CFAP299: variants seen among roughly 807,000 people sequenced by gnomAD.
The protein encoded by CFAP299 is cilia and flagella associated protein 299.
In CFAP299, 21 loss-of-function variants were observed where a neutral mutation model predicts 27.0. That is an observed-to-expected ratio of 0.78 (90% CI 0.55 to 1.12). The LOEUF is 1.12. Among genes scored for constraint, CFAP299 ranks in the 50% most tolerant of loss-of-function variants. The pLI is 0.00. For synonymous variants in CFAP299, 104 were observed against 98.1 expected (o/e 1.06, Z -0.36); for missense variants, 310 against 276.6 (o/e 1.12, Z -0.86).
chr4:80,785,686 G>T (rs1035133917), intron 3 of CFAP299, among the ~76,000 whole-genome samples: 2 of 152,054 alleles, frequency 1.3e-5, no homozygotes, highest in Admixed American at 6.6e-5. Flanking sequence ...AAATCATTAG[G>T]CTACATGGAG....
chr4:80,392,101 C>T (rs368795141), intron 2 of CFAP299, among the ~76,000 whole-genome samples: 34 of 152,302 alleles, frequency 2.2e-4, no homozygotes, highest in African/African-American at 3.1e-4. Flanking sequence ...TTTCTTTGGC[C>T]TGTAGCCCTT....
intron 2 of CFAP299, among the ~76,000 whole-genome samples, chr4:80,369,301 G>T (rs1724015360): frequency 6.6e-6 from 1 of 152,170 alleles, no homozygotes; most frequent in Non-Finnish European, 1.5e-5. Flanking sequence ...GAGCATAAAG[G>T]CCTCTCTTCA....
intron 3 of CFAP299, among the ~76,000 whole-genome samples, chr4:80,816,935 G>A (rs1729450557): frequency 6.6e-6 from 1 of 152,128 alleles, no homozygotes; most frequent in South Asian, 2.1e-4. Context: ...GCCACATGCA[G>A]CCCATGGGCC....
intron 1 of CFAP299, among the ~76,000 whole-genome samples, chr4:80,362,537 T>C (rs914231324): frequency 6.6e-6 from 1 of 151,832 alleles, no homozygotes; most frequent in Non-Finnish European, 1.5e-5. Context: ...ATCTTAAATA[T>C]ATGGGAAAGG....
At chr4:80,894,930 T>A (rs577572714) in intron 4 of CFAP299, among the ~76,000 whole-genome samples, 37 of 151,988 alleles carry the variant, frequency 2.4e-4, no homozygotes, top group African/African-American at 8.4e-4. Context: ...TACTGTATGG[T>A]CCCACTTTAT....
Position 80,518,544 on chromosome 4 carries a change from CT to C in CFAP299, c.243-64545del. ...GGTGCTCAGAATGCAGGTCAGATTA[CT>C]TTTCATGAAAAATGGATTTTTTTTT... On this transcript the variant is annotated intron_variant, in intron 2 of 5. Transcript: ENST00000358105. Among the ~76,000 whole-genome samples, 5 of 152,034 alleles carry C rather than the reference CT, an allele frequency of 3.3e-5. 1 individual carries two copies. Among genetic ancestry groups the C allele is most frequent in the Admixed American group, 3.3e-4 (5 of 15,262 alleles).
intron 3 of CFAP299, among the ~76,000 whole-genome samples, chr4:80,800,221 TA>T (rs1224572624): frequency 1.5e-4 from 11 of 73,856 alleles, no homozygotes; most frequent in Admixed American, 5.2e-4. Context: ...ATATATATTA[TA>T]ATATATAATA....
intron 3 of CFAP299, among the ~76,000 whole-genome samples, chr4:80,832,160 C>T (rs900191748): frequency 3.9e-5 from 6 of 152,210 alleles, no homozygotes; most frequent in Admixed American, 3.3e-4. Context: ...CTGGGGCTAA[C>T]CTCTCAAGTG....
chr4:80,654,543 T>A (rs1156983963), intron 3 of CFAP299, among the ~76,000 whole-genome samples: 1 of 152,164 alleles, frequency 6.6e-6, no homozygotes, highest in Non-Finnish European at 1.5e-5. Flanking sequence ...TGTAAGCATG[T>A]CCACAGATCC....
At chr4:80,706,961 C>G (rs569071350) in intron 3 of CFAP299, among the ~76,000 whole-genome samples, 3 of 151,958 alleles carry the variant, frequency 2.0e-5, no homozygotes, top group Non-Finnish European at 4.4e-5. Context: ...GTGGTTGATT[C>G]ATGAATCACA....
chr4:80,644,238 AT>A (rs1339098547), intron 3 of CFAP299, among the ~76,000 whole-genome samples: 1 of 152,150 alleles, frequency 6.6e-6, no homozygotes, highest in Non-Finnish European at 1.5e-5. Flanking sequence ...ATGTCATGTT[AT>A]TACTATGAAA....
At chr4:80,858,493 G>T (rs1233913180) in intron 3 of CFAP299, among the ~76,000 whole-genome samples, 4 of 152,034 alleles carry the variant, frequency 2.6e-5, no homozygotes, top group Admixed American at 6.6e-5. Flanking sequence ...TCTTTTAATT[G>T]TGATGTTGGG....
intron 2 of CFAP299, among the ~76,000 whole-genome samples, chr4:80,499,863 C>T (rs1335675271): frequency 2.0e-5 from 3 of 152,084 alleles, no homozygotes; most frequent in Non-Finnish European, 4.4e-5. Flanking sequence ...TATATGTCCT[C>T]ACTAAACCTT....
At chr4:80,554,720 T>C (rs1284387937) in intron 2 of CFAP299, among the ~76,000 whole-genome samples, 11 of 152,130 alleles carry the variant, frequency 7.2e-5, no homozygotes, top group Non-Finnish European at 1.3e-4. Context: ...TTCATCTCCC[T>C]GGTTAGCTGT....
intron 2 of CFAP299, among the ~76,000 whole-genome samples, chr4:80,428,077 T>C (rs1028977889): frequency 3.9e-5 from 6 of 152,206 alleles, no homozygotes; most frequent in African/African-American, 1.4e-4. Flanking sequence ...CTGCAGAAAC[T>C]AGTGGCTCAA....
chr4:80,937,362 G>A (rs1461211997), intron 4 of CFAP299, among the ~76,000 whole-genome samples: 10 of 107,992 alleles, frequency 9.3e-5, no homozygotes, highest in African/African-American at 4.0e-4. Flanking sequence ...TGTTTCCCAA[G>A]CTGGAGTACA....
intron 3 of CFAP299, among the ~76,000 whole-genome samples, chr4:80,713,394 G>A (rs1487790226): frequency 2.0e-5 from 3 of 152,128 alleles, no homozygotes; most frequent in Non-Finnish European, 2.9e-5. Flanking sequence ...AAGATGCCAG[G>A]CAATAGACAA....
chr4:80,897,088 G>T (rs1297514753), intron 4 of CFAP299, among the ~76,000 whole-genome samples: 1 of 152,146 alleles, frequency 6.6e-6, no homozygotes, highest in Non-Finnish European at 1.5e-5. Flanking sequence ...TTTAGGAACA[G>T]TGAGAAGCTG....
intron 3 of CFAP299, among the ~76,000 whole-genome samples, chr4:80,764,594 G>GTA (rs1725743382): frequency 6.6e-6 from 1 of 152,126 alleles, no homozygotes; most frequent in Non-Finnish European, 1.5e-5. Flanking sequence ...TCATTACTGG[G>GTA]TATATACCCA....
Sources: allele counts gnomAD v4.1 joint callset (sites outside exome capture counted in the v4.1 genomes callset), GRCh38; gene constraint gnomAD v4.1.1; transcripts MANE v1.5; gene names NCBI Gene and HGNC (gene_info 2026-07-23, HGNC 2026-07-21).